PLK3: variants seen among roughly 807,000 people sequenced by gnomAD.
The protein encoded by PLK3 is serine/threonine-protein kinase PLK3.
PLK3 carries 41 observed loss-of-function variants against 71.6 expected under a neutral mutation model. That is an observed-to-expected ratio of 0.57 (90% CI 0.45 to 0.74). The LOEUF is 0.74. Ranked by LOEUF, PLK3 falls within the 30% of genes least tolerant of loss-of-function variation. The probability of loss-of-function intolerance (pLI) is 0.00; values close to 1 mark genes in which losing one functional copy is unlikely to be tolerated. For synonymous variants in PLK3, 366 were observed against 355.4 expected (o/e 1.03, Z -0.33); for missense variants, 791 against 875.6 (o/e 0.90, Z 1.22).
In PLK3 at chr1:44,805,854, C is replaced by T; in HGVS notation, c.*176C>T. The T allele has an allele frequency of 1.4e-6, 2 of 1,384,462 alleles. No homozygotes were observed. The highest frequency in any genetic ancestry group is 1.9e-6 in the Non-Finnish European group (2 of 1,039,794). 85.8% of individuals were successfully genotyped at this position (1,384,462 alleles called of 1,614,324 possible). On this transcript the variant is annotated 3_prime_UTR_variant, in exon 15 of 15. Coordinates refer to ENST00000372201, the MANE Select transcript of PLK3 (RefSeq NM_004073.4). Reference sequence around the variant, plus strand: ...GTCTTCGCTGGCTCCTACCCCATCTCCAAGATAAGCCTGAGCCTTAGCTCC... The same window carrying T: ...GTCTTCGCTGGCTCCTACCCCATCTTCAAGATAAGCCTGAGCCTTAGCTCC...
chr1:44,804,553 C>T (rs755161393), intron 12 of PLK3, 52 bp downstream of exon 12: 87 of 1,606,138 alleles, frequency 5.4e-5, no homozygotes, highest in Middle Eastern at 3.3e-4. Context: ...CCAGCAGGGC[C>T]GCACCCTCGT....
chr1:44,803,736 C>A lies in PLK3; in HGVS notation c.1164+45C>A. 6.9e-7 allele frequency: 1 copy of A among 1,448,268 alleles called. No homozygotes were observed. The highest frequency in any genetic ancestry group is 1.2e-5 in the South Asian group (1 of 85,178). The allele number at this position is 1,448,268 out of a possible 1,614,324, so 89.7% of individuals were successfully genotyped here. A position where few individuals can be genotyped will look rare whatever the true frequency, so the allele number is the denominator to read the frequency against. Reference sequence around the variant, plus strand: ...ACTGTTCCCCTGACTCACCCCCACCCTAGCAGCTGAGGGAAGCCGGGGATA... The same window carrying A: ...ACTGTTCCCCTGACTCACCCCCACCATAGCAGCTGAGGGAAGCCGGGGATA... On this transcript the variant is annotated intron_variant, in intron 9 of 14. Transcript: ENST00000372201. This position sits in a 1 kb window ranked among gnomAD's most constrained non-coding sequence, Gnocchi z 4.3.
chr1:44,803,290 C>T lies in PLK3; in HGVS notation c.971C>T (p.Pro324Leu). Residue 324 changes from proline (P) to leucine (L), a missense_variant, in exon 8 of 15, where the codon CCT becomes CTT. Transcript: ENST00000372201. This position sits in a 1 kb window ranked among gnomAD's most constrained non-coding sequence, Gnocchi z 4.3. ...FTKGYTPDRL[P>L]ISSCVTVPDL... ...TAGGGCTACACCCCCGATCGACTCCCTATCAGCAGCTGCGTGACAGTCCCA... is the reference window on the plus strand; with the variant it reads ...TAGGGCTACACCCCCGATCGACTCCTTATCAGCAGCTGCGTGACAGTCCCA... 6.2e-7 allele frequency: 1 copy of T among 1,614,164 alleles called. No homozygotes were observed. Among genetic ancestry groups the T allele is most frequent in the Non-Finnish European group, 8.5e-7 (1 of 1,180,014 alleles).
chr1:44,805,554 T>G lies in PLK3; in HGVS notation c.1817T>G (p.Val606Gly), dbSNP rs1651999592. 1.2e-6 allele frequency: 2 copies of G among 1,614,076 alleles called. No homozygotes were observed. The highest frequency in any genetic ancestry group is 2.7e-5 in the African/African-American group (2 of 74,930). The change falls in exon 15 of 15, where the codon GTG (valine) becomes GGG (glycine). Residue 606 changes from valine to glycine, a missense_variant. By Grantham distance (109) the Val-to-Gly change is moderately radical. Coordinates refer to ENST00000372201, the MANE Select transcript of PLK3 (RefSeq NM_004073.4). ...TGGGAGCCCCTCCTTGTGACTTTTG[T>G]GGCCCGAAATCGTAGTGCTTGTACT... is the stretch of plus-strand genomic sequence containing the variant. ...SGWEPLLVTF[V>G]ARNRSACTYL... is the part of the protein sequence containing the mutation.
chr1:44,803,825 G>A lies in PLK3; in HGVS notation c.1165-106G>A, dbSNP rs912176020. On this transcript the variant is annotated intron_variant, in intron 9 of 14. Coordinates refer to ENST00000372201, the MANE Select transcript of PLK3 (RefSeq NM_004073.4). This position sits in a 1 kb window ranked among gnomAD's most constrained non-coding sequence, Gnocchi z 4.3. ...ATTGGCTGTGTGTCACCAGCCTGGC[G>A]GGGCTGACCTGGGGTGCCCTGGGAG... 9 of 1,129,378 alleles carry A rather than the reference G, an allele frequency of 8.0e-6. No individual in the cohort carries two copies. The highest frequency in any genetic ancestry group is 4.0e-5 in the Admixed American group (2 of 49,808). The allele number at this position is 1,129,378 out of a possible 1,614,324, so 70.0% of individuals were successfully genotyped here.
chr1:44,801,987 C>T (rs759648683), intron 5 of PLK3, 55 bp downstream of exon 5: 1 of 1,345,732 alleles, frequency 7.4e-7, no homozygotes, highest in East Asian at 2.3e-5. Flanking sequence ...GCGTGATAGA[C>T]AGTGCATATG....
chr1:44,804,390 G>C lies in PLK3; in HGVS notation c.1394G>C (p.Ser465Thr), dbSNP rs746965685. ...CAGCCAGAGCCTCTGGTGTGGGTCA[G>C]CAAGTGGGTTGACTACTCCAATAAG... ...LAQPEPLVWVSKWVDYSNKFG... is the reference protein window; with the variant it reads ...LAQPEPLVWVTKWVDYSNKFG... Residue 465 changes from serine to threonine, a missense_variant, in exon 12 of 15, where the codon AGC (serine) becomes ACC (threonine). Physicochemically the swap from Ser to Thr is moderately conservative, Grantham distance 58 (BLOSUM62 1). Transcript: ENST00000372201. 6 of 1,614,096 alleles carry C rather than the reference G, an allele frequency of 3.7e-6. No individual in the cohort carries two copies. Among genetic ancestry groups the C allele is most frequent in the South Asian group, 1.1e-5 (1 of 91,092 alleles).
Position 44,804,501 on chromosome 1 carries a change from A to G in PLK3, c.1505A>G (p.Lys502Arg), listed in dbSNP as rs1651943492. The change falls in exon 12 of 15, where the codon AAG becomes AGG. Residue 502 changes from lysine (K) to arginine (R), a missense_variant and splice_region_variant. Physicochemically the swap from Lys to Arg is conservative, Grantham distance 26. Transcript: ENST00000372201. ...GTHMALSANRKTVHYNPTSTK... is the reference protein window; with the variant it reads ...GTHMALSANRRTVHYNPTSTK... The stretch of plus-strand genomic sequence containing the variant: ...CATATGGCCCTGTCGGCCAACAGAA[A>G]GTAAGTGCTGTTATGGGGTGCCTTG... 1 of 1,613,960 alleles carries G rather than the reference A, an allele frequency of 6.2e-7. No homozygotes were observed. Among genetic ancestry groups the G allele is most frequent in the African/African-American group, 1.3e-5 (1 of 74,924 alleles).
chr1:44,803,091 C>T lies in PLK3; in HGVS notation c.886C>T (p.Arg296Trp), dbSNP rs773103177. Residue 296 changes from arginine (R) to tryptophan (W), a missense_variant, in exon 7 of 15, where the codon CGG becomes TGG. By Grantham distance (101) the Arg-to-Trp change is moderately radical. Coordinates refer to ENST00000372201, the MANE Select transcript of PLK3 (RefSeq NM_004073.4). The surrounding 1 kb of genome is among the most constrained non-coding windows in gnomAD (Gnocchi z 4.3). ...CCGGCAGCTCCTGGCCGCCATCCTT[C>T]GGGCCTCACCCCGAGACCGCCCCTC... ...PARQLLAAIL[R>W]ASPRDRPSID... The T allele has an allele frequency of 2.2e-5, 35 of 1,613,814 alleles. No homozygotes were observed. The highest frequency in any genetic ancestry group is 5.0e-5 in the Admixed American group (3 of 60,006).
At chr1:44,801,523 A>G in intron 3 of PLK3, 99 bp from the exon 4 acceptor site, 1 of 1,348,538 alleles carries the variant, frequency 7.4e-7, no homozygotes, top group Non-Finnish European at 1.0e-6. Flanking sequence ...GACAGTCTTA[A>G]GACCCAAAGC....
At position 44,802,896 on chromosome 1, in the gene PLK3, G is replaced by T. The variant is rs749534336; in HGVS notation, c.749+41G>T. 1.9e-6 allele frequency: 3 copies of T among 1,604,370 alleles called. No homozygotes were observed. The Admixed American group carries it at 5.0e-5, about 27-fold the overall frequency. ...CAGGTTCAGCAGCAGACAGGTGGTG[G>T]GTGTGTGGGTGGAGCATCTCCTCCA... On this transcript the variant is annotated intron_variant, in intron 6 of 14. Transcript: ENST00000372201.
In PLK3 at chr1:44,800,955, C is replaced by T; in HGVS notation, c.318+8C>T. On this transcript the variant is annotated splice_region_variant and intron_variant, in intron 2 of 14. Transcript: ENST00000372201. The surrounding 1 kb of genome is among the most constrained non-coding windows in gnomAD (Gnocchi z 6.5). ...CCGCATCAGCGCGAGAAGGTGGGTC[C>T]AGGCTCAGCGGGCGAGGGGTGGGGT... 1 of 1,612,598 alleles carries T rather than the reference C, an allele frequency of 6.2e-7. No individual in the cohort carries two copies. The highest frequency in any genetic ancestry group is 8.5e-7 in the Non-Finnish European group (1 of 1,179,368).
In PLK3 at chr1:44,804,214, C is replaced by G. The variant is rs1204427307; in HGVS notation, c.1310C>G (p.Ala437Gly). The change falls in exon 11 of 15, where the codon GCT becomes GGT. Residue 437 changes from alanine to glycine, a missense_variant. Ala to Gly is a moderately conservative substitution (Grantham distance 60, BLOSUM62 0). Transcript: ENST00000372201. The stretch of plus-strand genomic sequence containing the variant: ...ACAGTAGTGGAGTCAGCCCTTTGTG[C>G]TCTGAGAAATTGTATAGCCTTCATG... Reference protein sequence around the residue: ...VATVVESALCALRNCIAFMPP... With the variant: ...VATVVESALCGLRNCIAFMPP... The G allele has an allele frequency of 6.2e-7, 1 of 1,613,902 alleles. No homozygotes were observed. The highest frequency in any genetic ancestry group is 1.1e-5 in the South Asian group (1 of 91,084).
intron 13 of PLK3, 157 bp downstream of exon 13, chr1:44,804,936 T>C: frequency 1.5e-6 from 1 of 689,240 alleles, no homozygotes; most frequent in Non-Finnish European, 2.4e-6. Flanking sequence ...AAACCCCGTC[T>C]CTACTAAAAA....
In PLK3 at chr1:44,800,517, C is replaced by G; in HGVS notation, c.54C>G (p.Ala18=). 6.9e-7 allele frequency: 1 copy of G among 1,452,636 alleles called. No homozygotes were observed. The highest frequency in any genetic ancestry group is 3.0e-5 in the East Asian group (1 of 33,194). The allele number at this position is 1,452,636 out of a possible 1,614,324, so 90.0% of individuals were successfully genotyped here. The change falls in exon 1 of 15, where the codon GCC becomes GCG. Residue 18 remains alanine (A), a synonymous_variant. Transcript: ENST00000372201. This position sits in a 1 kb window ranked among gnomAD's most constrained non-coding sequence, Gnocchi z 6.5. ...CGCGCCCCTTCCAGCGTGCGGCCGC[C>G]GCGCCCGCTCCCCCGGCCGGGCCCG... ...LSPRPFQRAA[A]APAPPAGPGP...
Position 44,805,580 on chromosome 1 carries a change from T to TA in PLK3, c.1844dup (p.Tyr615Ter). Residue 615 changes from tyrosine to a stop codon, truncating the protein, a stop_gained and frameshift_variant, in exon 15 of 15, where the codon TAC becomes TAAC. Transcript: ENST00000372201. LOFTEE classifies it high-confidence loss of function. ...GGCCCGAAATCGTAGTGCTTGTACT[T>TA]ACCTCGCTTCCCACCTTCGGCAGCT... ...FVARNRSACTYLASHLRQLGC... is the reference protein window; with the variant it reads ...FVARNRSACT The TA allele has an allele frequency of 6.2e-7, 1 of 1,614,166 alleles. No individual in the cohort carries two copies. Among genetic ancestry groups the TA allele is most frequent in the Non-Finnish European group, 8.5e-7 (1 of 1,179,976 alleles).
At position 44,801,089 on chromosome 1, in the gene PLK3, T is replaced by A; in HGVS notation, c.372T>A (p.Arg124=). Residue 124 remains arginine (R), a synonymous_variant, in exon 3 of 15, where the codon CGT becomes CGA. Transcript: ENST00000372201. ...ACCTGCAGCACCGCCACATCGTGCG[T>A]TTTTCGCACCACTTTGAGGACGCTG... is the stretch of plus-strand genomic sequence containing the variant. The part of the protein sequence containing the change: ...HRDLQHRHIV[R]FSHHFEDADN... 1 of 1,612,882 alleles carries A rather than the reference T, an allele frequency of 6.2e-7. No homozygotes were observed. Among genetic ancestry groups the A allele is most frequent in the Non-Finnish European group, 8.5e-7 (1 of 1,179,748 alleles).
Position 44,805,667 on chromosome 1 carries a change from A to T in PLK3, c.1930A>T (p.Ser644Cys). ...TGCTCTGCGCCTGCTCCGGGACCGC[A>T]GCCCAGCCTAGGACCCAAGCCCTGA... ...RYALRLLRDR[S>C]PA is the part of the protein sequence containing the mutation. Residue 644 changes from serine (S) to cysteine (C), a missense_variant, in exon 15 of 15, where the codon AGC becomes TGC. Coordinates refer to ENST00000372201, the MANE Select transcript of PLK3 (RefSeq NM_004073.4). The T allele has an allele frequency of 6.2e-7, 1 of 1,611,974 alleles. No homozygotes were observed. The highest frequency in any genetic ancestry group is 8.5e-7 in the Non-Finnish European group (1 of 1,179,938).
At chr1:44,801,997 G>A (rs1651848421) in intron 5 of PLK3, 65 bp downstream of exon 5, 1 of 1,236,764 alleles carries the variant, frequency 8.1e-7, no homozygotes, top group South Asian at 1.3e-5. Flanking sequence ...CAGTGCATAT[G>A]TATGTGGGAG....
Sources: gnomAD v4.1 joint callset for allele counts on GRCh38, gnomAD v4.1.1 for gene constraint, Gnocchi (gnomAD v3.1) non-coding constraint, MANE v1.5 for transcripts, NCBI Gene and HGNC (gene_info 2026-07-23, HGNC 2026-07-21) for gene names.